Variants in ASMTL observed in about 807,000 individuals in gnomAD.
ASMTL encodes the protein acetylserotonin O-methyltransferase like, also known as probable bifunctional dTTP/UTP pyrophosphatase/methyltransferase protein.
Under a neutral mutation model 60.3 loss-of-function variants are expected in ASMTL, and 57 were observed. That is an observed-to-expected ratio of 0.95 (90% CI 0.76 to 1.18). The LOEUF (loss-of-function observed/expected upper bound fraction) is 1.18. Ranked by LOEUF, ASMTL falls within the 50% of genes most tolerant of loss-of-function variation. The pLI is 0.00. For missense variants in ASMTL, 981 were observed against 852.6 expected (o/e 1.15, Z -1.88); for synonymous variants, 419 against 373.0 (o/e 1.12, Z -1.42).
At chrX:1,438,146 G>A (rs1187487253) in intron 3 of ASMTL, among the ~76,000 whole-genome samples, 3 of 151,762 alleles carry the variant, frequency 2.0e-5, no homozygotes, top group South Asian at 2.1e-4. Context: ...AAAATCAGCC[G>A]GGCGTGGTGG....
chrX:1,433,462 G>C (rs1334289751), intron 5 of ASMTL, among the ~76,000 whole-genome samples: 1 of 142,034 alleles, frequency 7.0e-6, no homozygotes, highest in Non-Finnish European at 1.5e-5. Flanking sequence ...TCAGGAGATC[G>C]AGACCCTCCT....
chrX:1,443,427 C>CCGCCATCGTGGACACCCAG lies in ASMTL; in HGVS notation c.94-1111_94-1110insCTGGGTGTCCACGATGGCG, dbSNP rs1569534758. On this transcript the variant is annotated intron_variant, in intron 1 of 12. Coordinates refer to ENST00000381317, the MANE Select transcript of ASMTL (RefSeq NM_004192.4). ...CACACGCCGCCATCTTGGACACACA[C>CCGCCATCGTGGACACCCAG]CGCCATCTTGGACAGACACCGCCAT... Among the ~76,000 whole-genome samples, 133 of 138,248 alleles carry CCGCCATCGTGGACACCCAG rather than the reference C, an allele frequency of 9.6e-4. 21 individuals are homozygous for CCGCCATCGTGGACACCCAG. Among genetic ancestry groups the CCGCCATCGTGGACACCCAG allele is most frequent in the African/African-American group, 3.9e-3 (124 of 31,878 alleles). The allele number at this position is 138,248 out of a possible 152,430, so 90.7% of individuals were successfully genotyped here. A position where few individuals can be genotyped will look rare whatever the true frequency, so the allele number is the denominator to read the frequency against.
chrX:1,431,650 T>C (rs1316621298), intron 6 of ASMTL, among the ~76,000 whole-genome samples: 2 of 146,802 alleles, frequency 1.4e-5, no homozygotes, highest in Non-Finnish European at 3.0e-5. Flanking sequence ...TTATATAATT[T>C]GTATAATGTA....
chrX:1,425,654 C>A lies in ASMTL; in HGVS notation c.931G>T (p.Asp311Tyr). 3.7e-6 allele frequency: 6 copies of A among 1,613,690 alleles called. No individual in the cohort carries two copies. The highest frequency in any genetic ancestry group is 1.7e-4 in the Middle Eastern group (1 of 6,050). The stretch of plus-strand genomic sequence containing the variant: ...TGGGGTGCTTCATCTTTTAACAAAT[C>A]GAACACCTTCAGTTTGCAAGCGGTG... ...LLTACKLKVF[D>Y]LLKDEAPQKA... The change falls in exon 8 of 13, where the codon GAT (aspartate) becomes TAT (tyrosine). Residue 311 changes from aspartate to tyrosine, a missense_variant. Coordinates refer to ENST00000381317, the MANE Select transcript of ASMTL (RefSeq NM_004192.4).
At chrX:1,416,795 G>C (rs2090294636) in intron 11 of ASMTL, among the ~76,000 whole-genome samples, 1 of 147,050 alleles carries the variant, frequency 6.8e-6, no homozygotes, top group East Asian at 2.1e-4. Flanking sequence ...AAGCACAGCA[G>C]TGACATGCAC....
In ASMTL at chrX:1,442,186, C is replaced by G; in HGVS notation, c.225G>C (p.Gln75His). Residue 75 changes from glutamine (Q) to histidine (H), a missense_variant and splice_region_variant, in exon 2 of 13, where the codon CAG becomes CAC. Coordinates refer to ENST00000381317, the MANE Select transcript of ASMTL (RefSeq NM_004192.4). ...GGGCCGAAGGGCAGGGGCCCCTTGC[C>G]TGGTACAGCCGGTTGGCCACCTCCA... is the stretch of plus-strand genomic sequence containing the variant. ...KALEVANRLY[Q>H]KDLRAPDVVI... 2 of 1,613,594 alleles carry G rather than the reference C, an allele frequency of 1.2e-6. No individual in the cohort carries two copies. The highest frequency in any genetic ancestry group is 1.7e-6 in the Non-Finnish European group (2 of 1,179,840).
chrX:1,433,425 G>A (rs1212799797), intron 5 of ASMTL, among the ~76,000 whole-genome samples: 2 of 150,836 alleles, frequency 1.3e-5, no homozygotes, highest in South Asian at 2.1e-4. Flanking sequence ...CAGCACTTTG[G>A]GAGGCCGAGG....
chrX:1,411,022 TTAAAAA>T (rs1458415506), intron 12 of ASMTL, among the ~76,000 whole-genome samples: 1 of 150,640 alleles, frequency 6.6e-6, no homozygotes, highest in Non-Finnish European at 1.5e-5. Context: ...CCTGTCTCTA[TTAAAAA>T]TAAAAAATTA....
chrX:1,416,503 A>T (rs1425347026), intron 11 of ASMTL, among the ~76,000 whole-genome samples: 1 of 151,988 alleles, frequency 6.6e-6, no homozygotes, highest in African/African-American at 2.4e-5. Context: ...ACAGGCACAC[A>T]CACACGGATG....
chrX:1,431,657 T>C (rs1214714513), intron 6 of ASMTL, among the ~76,000 whole-genome samples: 1 of 146,410 alleles, frequency 6.8e-6, no homozygotes, highest in African/African-American at 2.5e-5. Flanking sequence ...ATTTGTATAA[T>C]GTAGATTATA....
intron 2 of ASMTL, among the ~76,000 whole-genome samples, chrX:1,440,193 T>G (rs1174540080): frequency 1.3e-5 from 2 of 151,786 alleles, no homozygotes; most frequent in Non-Finnish European, 2.9e-5. Flanking sequence ...TTCACGCCAT[T>G]CTCCCGCCTC....
intron 7 of ASMTL, 128 bp downstream of exon 7, chrX:1,427,606 C>T: frequency 1.0e-6 from 1 of 1,001,234 alleles, no homozygotes; most frequent in Non-Finnish European, 1.5e-6. Context: ...TCGGAGAAAG[C>T]ATGGCCCTGA....
At position 1,403,419 on chromosome X, in the gene ASMTL, C is replaced by T. The variant is rs1191510967; in HGVS notation, c.1716G>A (p.Gln572=). ...CAGTCTGCACCAGCATGTTCAGTGACTGCATCAGGGCGCGCTGCGCCACCC... is the reference window on the plus strand; with the variant it reads ...CAGTCTGCACCAGCATGTTCAGTGATTGCATCAGGGCGCGCTGCGCCACCC... ...EKRVAQRALM[Q]SLNMLVQTEG... is the part of the protein sequence containing the mutation. The change falls in exon 13 of 13, where the codon CAG becomes CAA. Residue 572 remains glutamine, a synonymous_variant. Transcript: ENST00000381317. 6.2e-7 allele frequency: 1 copy of T among 1,613,412 alleles called. No homozygotes were observed. The highest frequency in any genetic ancestry group is 1.1e-5 in the South Asian group (1 of 91,082).
Position 1,415,043 on chromosome X carries a change from C to T in ASMTL, c.1523-2189G>A, listed in dbSNP as rs770790873. 1.2e-3 allele frequency among the ~76,000 whole-genome samples: 149 copies of T among 124,190 alleles called. 1 individual carries two copies. Among genetic ancestry groups the T allele is most frequent in the African/African-American group, 3.9e-3 (135 of 34,680 alleles). 81.5% of individuals were successfully genotyped at this position (124,190 alleles called of 152,430 possible). ...GCAAGCTCCGCCTCCCGGGTTCAAG[C>T]GATTCTCCTGCCTCAGCCTCCTGAA... On this transcript the variant is annotated intron_variant, in intron 11 of 12. Transcript: ENST00000381317.
At position 1,431,123 on chromosome X, in the gene ASMTL, A is replaced by AATTG. The variant is rs1236130644; in HGVS notation, c.509+1145_509+1146insCAAT. On this transcript the variant is annotated intron_variant, in intron 6 of 12. Coordinates refer to ENST00000381317, the MANE Select transcript of ASMTL (RefSeq NM_004192.4). Reference sequence around the variant, plus strand: ...TATATAATTATATTTTATAATATATAATCATTTTATAATTATATATATAAT... The same window carrying AATTG: ...TATATAATTATATTTTATAATATATAATTGATCATTTTATAATTATATATATAAT... Among the ~76,000 whole-genome samples, 600 of 124,500 alleles carry AATTG rather than the reference A, an allele frequency of 4.8e-3. 6 individuals are homozygous for AATTG. The highest frequency in any genetic ancestry group is 0.018 in the African/African-American group (563 of 31,636). The allele number at this position is 124,500 out of a possible 152,430, so 81.7% of individuals were successfully genotyped here. A position where few individuals can be genotyped will look rare whatever the true frequency, so the allele number is the denominator to read the frequency against.
rs1205096700 is a variant in ASMTL, at chrX:1,428,105, A to G, written c.526T>C (p.Tyr176His). ...SGEPMDKAGG[Y>H]GIQALGGMLV... is the part of the protein sequence containing the mutation. ...ATGCCGCCCAGGGCCTGGATCCCGT[A>G]GCCGCCAGCTTTGTCCCTGGGTGGG... The change falls in exon 7 of 13, where the codon TAC (tyrosine) becomes CAC (histidine). Residue 176 changes from tyrosine to histidine, a missense_variant. Tyr to His is a moderately conservative substitution (Grantham distance 83, BLOSUM62 2). Coordinates refer to ENST00000381317, the MANE Select transcript of ASMTL (RefSeq NM_004192.4). 4 of 1,605,332 alleles carry G rather than the reference A, an allele frequency of 2.5e-6. No individual in the cohort carries two copies. The highest frequency in any genetic ancestry group is 3.4e-6 in the Non-Finnish European group (4 of 1,173,126).
intron 3 of ASMTL, among the ~76,000 whole-genome samples, chrX:1,437,767 C>T (rs565193284): frequency 6.0e-5 from 9 of 150,722 alleles, no homozygotes; most frequent in South Asian, 2.1e-4. Flanking sequence ...CGTGGTCGCG[C>T]GCACCTGTAG....
intron 9 of ASMTL, among the ~76,000 whole-genome samples, chrX:1,421,384 T>A (rs1185687307): frequency 7.9e-5 from 12 of 152,284 alleles, no homozygotes; most frequent in Admixed American, 7.9e-4. Context: ...GTGACAGGTG[T>A]GAGCCCCTGA....
chrX:1,440,540 T>C (rs2091084482), intron 2 of ASMTL, among the ~76,000 whole-genome samples: 1 of 152,272 alleles, frequency 6.6e-6, no homozygotes, highest in Non-Finnish European at 1.5e-5. Context: ...GTTAATTTTA[T>C]ATACTGTGAC....
Sources: allele counts gnomAD v4.1 joint callset (sites outside exome capture counted in the v4.1 genomes callset), GRCh38; gene constraint gnomAD v4.1.1; transcripts MANE v1.5; gene names NCBI Gene and HGNC (gene_info 2026-07-23, HGNC 2026-07-21).